KCNIP4: variants seen among roughly 807,000 people sequenced by gnomAD.
KCNIP4 encodes Kv channel-interacting protein 4.
In KCNIP4, 12 loss-of-function variants were observed where a neutral mutation model predicts 34.0. The observed-to-expected ratio is 0.35, with a 90% CI of 0.23 to 0.57. The LOEUF is 0.57. KCNIP4 is among the 20% of genes least tolerant of loss of function. KCNIP4 has a pLI of 0.83. For missense variants in KCNIP4, 238 were observed against 311.7 expected, an observed-to-expected ratio of 0.76 and a Z score of 1.78; for synonymous variants, 124 against 102.2, an observed-to-expected ratio of 1.21 and a Z score of -1.29.
chr4:21,104,473 C>A (rs779426835), intron 1 of KCNIP4, among the ~76,000 whole-genome samples: 1 of 151,942 alleles, frequency 6.6e-6, no homozygotes, highest in African/African-American at 2.4e-5. Flanking sequence ...TGTTTAAGTT[C>A]TTTGTAGATT....
At chr4:21,267,356 T>TAA (rs5856618) in intron 1 of KCNIP4, among the ~76,000 whole-genome samples, 4,048 of 144,402 alleles carry the variant, frequency 0.028, 146 homozygotes, top group African/African-American at 0.085. Flanking sequence ...AAAGGTAGAT[T>TAA]AAAAAAAAAA....
At chr4:21,343,803 A>G (rs1292583767) in intron 1 of KCNIP4, among the ~76,000 whole-genome samples, 1 of 152,120 alleles carries the variant, frequency 6.6e-6, no homozygotes, top group Non-Finnish European at 1.5e-5. Context: ...TATAGGCAGG[A>G]AGAAACAAAT....
intron 1 of KCNIP4, among the ~76,000 whole-genome samples, chr4:21,678,356 C>A (rs1405338808): frequency 3.1e-5 from 3 of 97,616 alleles, no homozygotes; most frequent in South Asian, 6.6e-4. Context: ...AGAGGCAATT[C>A]TTAGTTAATG....
intron 1 of KCNIP4, among the ~76,000 whole-genome samples, chr4:21,435,275 G>A (rs535758127): frequency 6.6e-6 from 1 of 152,234 alleles, no homozygotes; most frequent in East Asian, 1.9e-4. Flanking sequence ...GGGTATAGTG[G>A]GTGAAGCTTT....
chr4:21,265,968 A>G (rs567292000), intron 1 of KCNIP4, among the ~76,000 whole-genome samples: 6 of 152,376 alleles, frequency 3.9e-5, no homozygotes, highest in African/African-American at 1.4e-4. Context: ...GCACTTGCTC[A>G]TTTCCATTGT....
In KCNIP4 at chr4:21,609,807, G is replaced by C. The variant is rs143079955; in HGVS notation, c.61+338764C>G. On this transcript the variant is annotated intron_variant, in intron 1 of 8. Coordinates refer to ENST00000382152, the MANE Select transcript of KCNIP4 (RefSeq NM_025221.6). ...TAGCGAGCACCCTACTATGTGCTAA[G>C]ACTGTGTTAATCTAAGTACTTTTGT... Among the ~76,000 whole-genome samples the C allele has an allele frequency of 2.4e-4, 36 of 152,314 alleles. 1 individual carries two copies. The highest frequency in any genetic ancestry group is 8.7e-4 in the African/African-American group (36 of 41,570).
chr4:21,415,957 C>G (rs568889162), intron 1 of KCNIP4, among the ~76,000 whole-genome samples: 4 of 152,048 alleles, frequency 2.6e-5, no homozygotes. Flanking sequence ...TGAACTCTTC[C>G]GACGTAGGCA....
intron 1 of KCNIP4, among the ~76,000 whole-genome samples, chr4:21,123,682 C>T (rs1007538122): frequency 6.6e-6 from 1 of 152,034 alleles, no homozygotes; most frequent in Non-Finnish European, 1.5e-5. Context: ...ACGTTGAAGC[C>T]CTAACCCCCA....
At chr4:20,996,370 T>C (rs968780031) in intron 1 of KCNIP4, among the ~76,000 whole-genome samples, 6 of 152,220 alleles carry the variant, frequency 3.9e-5, no homozygotes, top group Middle Eastern at 3.2e-3. Flanking sequence ...GGGATAACAT[T>C]CAAACTTCTC....
At chr4:21,051,034 T>G (rs2108947164) in intron 1 of KCNIP4, among the ~76,000 whole-genome samples, 1 of 152,328 alleles carries the variant, frequency 6.6e-6, no homozygotes, top group African/African-American at 2.4e-5. Context: ...CATCAGGGAT[T>G]TGGTATTTCT....
intron 1 of KCNIP4, among the ~76,000 whole-genome samples, chr4:21,721,441 C>G (rs985709684): frequency 6.6e-6 from 1 of 152,058 alleles, no homozygotes; most frequent in Non-Finnish European, 1.5e-5. Context: ...GACAAGGTAT[C>G]AAGTAAAAAT....
At chr4:21,029,459 C>T (rs10805223) in intron 1 of KCNIP4, among the ~76,000 whole-genome samples, 65,688 of 152,112 alleles carry the variant, frequency 0.43, 15,821 homozygotes, top group African/African-American at 0.67. Flanking sequence ...ACCTATGCTA[C>T]TGGCTGCAAA....
chr4:21,313,359 T>C (rs577867178), intron 1 of KCNIP4, among the ~76,000 whole-genome samples: 66 of 152,310 alleles, frequency 4.3e-4, no homozygotes, highest in African/African-American at 1.5e-3. Flanking sequence ...AAATAATTGT[T>C]TATCCTATTA....
intron 1 of KCNIP4, among the ~76,000 whole-genome samples, chr4:21,271,590 G>A (rs1174819216): frequency 6.6e-6 from 1 of 152,068 alleles, no homozygotes; most frequent in Non-Finnish European, 1.5e-5. Flanking sequence ...AGAGGCCTCT[G>A]GGGGACTGCC....
At chr4:20,818,107 G>A (rs1312926031) in intron 3 of KCNIP4, among the ~76,000 whole-genome samples, 1 of 152,142 alleles carries the variant, frequency 6.6e-6, no homozygotes, top group African/African-American at 2.4e-5. Context: ...TATATGATGA[G>A]TCGATTTCTA....
intron 1 of KCNIP4, among the ~76,000 whole-genome samples, chr4:21,562,464 T>C (rs1309986052): frequency 6.6e-6 from 1 of 152,054 alleles, no homozygotes; most frequent in Non-Finnish European, 1.5e-5. Flanking sequence ...CTTGTGGGAA[T>C]CACTTTTAAC....
intron 1 of KCNIP4, among the ~76,000 whole-genome samples, chr4:21,674,469 T>TTA (rs1247843484): frequency 6.6e-6 from 1 of 152,206 alleles, no homozygotes; most frequent in Admixed American, 6.5e-5. Flanking sequence ...TACAAGTGGG[T>TTA]TATGTTCCTT....
chr4:21,927,450 C>T (rs1206555849), intron 1 of KCNIP4, among the ~76,000 whole-genome samples: 2 of 152,128 alleles, frequency 1.3e-5, no homozygotes, highest in East Asian at 1.9e-4. Flanking sequence ...AAGCAATACT[C>T]AGTAACTTTC....
At chr4:21,409,183 T>C (rs775159814) in intron 1 of KCNIP4, among the ~76,000 whole-genome samples, 13 of 151,966 alleles carry the variant, frequency 8.6e-5, no homozygotes, top group Non-Finnish European at 1.6e-4. Context: ...CATAGCTCAC[T>C]GCAACCTCGA....
Sources: gnomAD v4.1 joint callset for allele counts (sites outside exome capture counted in the v4.1 genomes callset) on GRCh38, gnomAD v4.1.1 for gene constraint, MANE v1.5 for transcripts, NCBI Gene and HGNC (gene_info 2026-07-23, HGNC 2026-07-21) for gene names.